ANK2: variants seen among roughly 807,000 people sequenced by gnomAD.
The protein encoded by ANK2 is ankyrin-2.
ANK2 carries 83 observed loss-of-function variants against 360.5 expected under a neutral mutation model. The ratio of observed to expected loss-of-function variants is 0.23; its 90% CI spans 0.19 to 0.28. ANK2 has a LOEUF of 0.28. Ranked by LOEUF, ANK2 falls within the 10% of genes least tolerant of loss-of-function variation. The probability of loss-of-function intolerance (pLI) is 1.00; values close to 1 mark genes in which losing one functional copy is unlikely to be tolerated. For missense variants in ANK2, 4,201 were observed against 4,795.7 expected (o/e 0.88, Z 3.66); for synonymous variants, 1,740 against 1,759.5 (o/e 0.99, Z 0.28).
intron 18 of ANK2, among the ~76,000 whole-genome samples, chr4:113,286,365 C>T (rs1323311130): frequency 1.3e-5 from 2 of 152,222 alleles, no homozygotes; most frequent in African/African-American, 4.8e-5. Context: ...AAGTTGAGCT[C>T]ACCCAGAGCT....
rs1055314241 is a variant in ANK2, at chr4:113,348,359, A to G, written c.4404+51A>G. On this transcript the variant is annotated intron_variant, in intron 36 of 45. Coordinates refer to ENST00000357077, the MANE Select transcript of ANK2 (RefSeq NM_001148.6). Reference sequence around the variant, plus strand: ...TATCGGCTGTGTCATTGCTGTAACCACTAATAAGAGCACATAGTTAACCTG... The same window carrying G: ...TATCGGCTGTGTCATTGCTGTAACCGCTAATAAGAGCACATAGTTAACCTG... 2.5e-6 allele frequency: 4 copies of G among 1,580,008 alleles called. No individual in the cohort carries two copies. In the Admixed American group the frequency reaches 6.7e-5, roughly 26 times the overall value.
intron 1 of ANK2, among the ~76,000 whole-genome samples, chr4:112,868,322 A>G (rs1398187003): frequency 6.6e-6 from 1 of 152,242 alleles, no homozygotes; most frequent in Non-Finnish European, 1.5e-5. Context: ...GAAGTCTAAG[A>G]GCATAGTGTC....
intron 2 of ANK2, among the ~76,000 whole-genome samples, chr4:112,918,190 C>T (rs1194705370): frequency 6.6e-6 from 1 of 152,128 alleles, no homozygotes; most frequent in African/African-American, 2.4e-5. Flanking sequence ...TTAGGGGCAG[C>T]TTCCTGGAAA....
chr4:112,986,750 T>A (rs2045011455), intron 2 of ANK2, among the ~76,000 whole-genome samples: 1 of 152,172 alleles, frequency 6.6e-6, no homozygotes, highest in South Asian at 2.1e-4. Flanking sequence ...TGGGGAAAAA[T>A]TGCTAGAGAA....
At chr4:112,801,998 T>C in the ANK2 span, among the ~76,000 whole-genome samples, 1 of 151,640 alleles carries the variant, frequency 6.6e-6, no homozygotes, top group Admixed American at 6.6e-5. Flanking sequence ...ATGAGAAAAA[T>C]TTATAAATTT....
rs11284712 is a variant in ANK2, at chr4:112,822,871, T to TA, written c.-40+4618dup. ...ATCAATGCTAGACCCACAAGAGATT[T>TA]AAAAAAAAAAACTTGTTCATTGATA... On this transcript the variant is annotated intron_variant, in intron 1 of 30. Transcript: ENST00000503271. Among the ~76,000 whole-genome samples the TA allele has an allele frequency of 1.5e-3, 227 of 149,688 alleles. No homozygotes were observed. The Middle Eastern group carries it at 0.024, about 16-fold the overall frequency.
At chr4:112,756,621 C>A in the ANK2 span, among the ~76,000 whole-genome samples, 24 of 152,270 alleles carry the variant, frequency 1.6e-4, no homozygotes, top group South Asian at 5.0e-3. Context: ...AGCTGAGGAA[C>A]TATGAAAGCT....
intron 2 of ANK2, among the ~76,000 whole-genome samples, chr4:113,023,417 T>C (rs1157441246): frequency 4.6e-5 from 7 of 152,170 alleles, no homozygotes; most frequent in Admixed American, 1.3e-4. Flanking sequence ...TCCATCTTTC[T>C]CATGCCCATC....
upstream of ANK2, among the ~76,000 whole-genome samples, chr4:112,813,908 G>A (rs2149480387): frequency 6.6e-6 from 1 of 152,336 alleles, no homozygotes; most frequent in South Asian, 2.1e-4. Context: ...AGGTTAGAAG[G>A]TCAACTCTGC....
At chr4:113,209,251 C>A (rs2098992188) in intron 4 of ANK2, among the ~76,000 whole-genome samples, 1 of 151,858 alleles carries the variant, frequency 6.6e-6, no homozygotes, top group African/African-American at 2.4e-5. Context: ...GAAACCTCAC[C>A]AGTAGTAGTA....
intron 1 of ANK2, among the ~76,000 whole-genome samples, chr4:112,875,038 A>G (rs1580255124): frequency 6.6e-6 from 1 of 150,728 alleles, no homozygotes; most frequent in South Asian, 2.1e-4. Context: ...TTCCCTAATT[A>G]CTTTTTTTTT....
Position 113,240,579 on chromosome 4 carries a change from C to G in ANK2, c.788C>G (p.Ala263Gly). 1.2e-6 allele frequency: 2 copies of G among 1,609,660 alleles called. No homozygotes were observed. The highest frequency in any genetic ancestry group is 1.7e-6 in the Non-Finnish European group (2 of 1,176,102). Residue 263 changes from alanine (A) to glycine (G), a missense_variant, in exon 8 of 46, where the codon GCC becomes GGC. This residue lies in a region of ANK2 where 122 missense variants were observed against 239.3 expected (regional missense o/e 0.51). Coordinates refer to ENST00000357077, the MANE Select transcript of ANK2 (RefSeq NM_001148.6). ...CGGGGAGCTGCTGTGGACTTCACAG[C>G]CAGGGTATGGATTGAAATAGTTTCT... ...LNRGAAVDFT[A>G]RNGITPLHVA...
chr4:113,178,111 G>A (rs2098282873), intron 2 of ANK2, among the ~76,000 whole-genome samples: 1 of 152,064 alleles, frequency 6.6e-6, no homozygotes, highest in Non-Finnish European at 1.5e-5. Flanking sequence ...GCCAGGTGTG[G>A]TGGCTCACAC....
intron 20 of ANK2, among the ~76,000 whole-genome samples, chr4:113,289,240 G>C (rs1703196754): frequency 7.2e-6 from 1 of 139,704 alleles, no homozygotes; most frequent in African/African-American, 2.6e-5. Context: ...TTTTAAGACA[G>C]GGTCTTACTC....
chr4:113,130,133 G>A (rs1379832762), intron 1 of ANK2, among the ~76,000 whole-genome samples: 1 of 152,120 alleles, frequency 6.6e-6, no homozygotes, highest in Non-Finnish European at 1.5e-5. Flanking sequence ...GGTTCAGTAG[G>A]ATGAAAACTA....
At chr4:112,803,302 T>A in the ANK2 span, among the ~76,000 whole-genome samples, 11 of 152,136 alleles carry the variant, frequency 7.2e-5, no homozygotes, top group African/African-American at 2.7e-4. Context: ...AGGATCTTGA[T>A]ATGGCAAGAT....
chr4:113,072,188 T>C (rs977517125), intron 1 of ANK2, among the ~76,000 whole-genome samples: 3 of 152,218 alleles, frequency 2.0e-5, no homozygotes, highest in African/African-American at 7.2e-5. Flanking sequence ...CCCAGCACTT[T>C]TGCCATTACC....
chr4:113,168,659 T>C (rs958414042), intron 1 of ANK2, among the ~76,000 whole-genome samples: 1 of 152,234 alleles, frequency 6.6e-6, no homozygotes, highest in African/African-American at 2.4e-5. Context: ...TTTTGCAGTG[T>C]AAAGTGTTTT....
At chr4:112,808,948 C>T in the ANK2 span, among the ~76,000 whole-genome samples, 1 of 151,858 alleles carries the variant, frequency 6.6e-6, no homozygotes, top group East Asian at 1.9e-4. Context: ...ACCTCTGTCC[C>T]CCTGGATTCA....
Sources: gnomAD v4.1 joint callset for allele counts (sites outside exome capture counted in the v4.1 genomes callset) on GRCh38, gnomAD v4.1.1 for gene constraint, gnomAD v4.1.1 regional missense constraint, MANE v1.5 for transcripts, NCBI Gene and HGNC (gene_info 2026-07-23, HGNC 2026-07-21) for gene names.